Variants in PCM1 observed in about 807,000 individuals in gnomAD.
PCM1 encodes pericentriolar material 1.
In PCM1, 157 loss-of-function variants were observed where a neutral mutation model predicts 241.9. The ratio of observed to expected loss-of-function variants is 0.65; its 90% confidence interval spans 0.57 to 0.74. The LOEUF (loss-of-function observed/expected upper bound fraction) is 0.74. Among genes scored for constraint, PCM1 ranks in the 30% least tolerant of loss-of-function variants. The pLI is 0.00. For missense variants in PCM1, 3,478 were observed against 2,360.1 expected (o/e 1.47, Z -9.81); for synonymous variants, 1,085 against 784.9 (o/e 1.38, Z -6.39).
chr8:18,028,003 A>G lies in PCM1; in HGVS notation c.*341A>G, dbSNP rs1041458694. 2.8e-5 allele frequency: 7 copies of G among 250,472 alleles called. No homozygotes were observed. Among genetic ancestry groups the G allele is most frequent in the Non-Finnish European group, 3.8e-5 (5 of 130,706 alleles). 15.5% of individuals were successfully genotyped at this position (250,472 alleles called of 1,614,324 possible). On this transcript the variant is annotated 3_prime_UTR_variant, in exon 39 of 39. Transcript: ENST00000325083. ...TTTTTTGGAAATTATATTGAATTCTATACAGCAAGTCAATGTTTTATATAA... is the reference window on the plus strand; with the variant it reads ...TTTTTTGGAAATTATATTGAATTCTGTACAGCAAGTCAATGTTTTATATAA...
chr8:17,961,942 G>C, intron 15 of PCM1, 92 bp from the exon 16 acceptor site: 4 of 1,024,572 alleles, frequency 3.9e-6, no homozygotes, highest in East Asian at 2.7e-5. Context: ...TATGGCACTA[G>C]AGCCTTAGTG....
chr8:18,001,753 A>G (rs530962572), intron 29 of PCM1, among the ~76,000 whole-genome samples: 50 of 152,216 alleles, frequency 3.3e-4, no homozygotes, highest in African/African-American at 1.2e-3. Flanking sequence ...CATTGTGCTC[A>G]TATTTCTTCC....
intron 1 of PCM1, among the ~76,000 whole-genome samples, 152 bp from the exon 2 acceptor site, chr8:17,924,561 G>A (rs1338719760): frequency 6.6e-6 from 1 of 152,124 alleles, no homozygotes; most frequent in East Asian, 1.9e-4. Flanking sequence ...AAGAATTGAG[G>A]TAACTTAAAT....
chr8:17,989,838 G>A, intron 26 of PCM1, 21 bp from the exon 27 acceptor site: 3 of 1,481,710 alleles, frequency 2.0e-6, no homozygotes, highest in Non-Finnish European at 2.7e-6. Context: ...AGTGATTTTT[G>A]TTTGTTTTAC....
chr8:17,985,744 G>C, intron 25 of PCM1, 125 bp downstream of exon 25: 1 of 836,488 alleles, frequency 1.2e-6, no homozygotes, highest in South Asian at 2.0e-5. Flanking sequence ...GTGCTTTCTT[G>C]ACATTTTATT....
chr8:17,979,541 C>CTA (rs1554709962), intron 23 of PCM1, among the ~76,000 whole-genome samples: 2 of 152,182 alleles, frequency 1.3e-5, no homozygotes, highest in Non-Finnish European at 2.9e-5. Flanking sequence ...TAGTAGTACT[C>CTA]TAAGTGTTTG....
intron 23 of PCM1, among the ~76,000 whole-genome samples, chr8:17,975,534 T>G (rs2078453942): frequency 6.6e-6 from 1 of 152,038 alleles, no homozygotes; most frequent in Admixed American, 6.6e-5. Flanking sequence ...CCTTTCAAAT[T>G]GTTACTACAG....
chr8:18,026,755 T>C (rs565048360), intron 38 of PCM1, among the ~76,000 whole-genome samples: 1 of 152,180 alleles, frequency 6.6e-6, no homozygotes, highest in South Asian at 2.1e-4. Flanking sequence ...CTTTCAATTT[T>C]GGTTAAGTAT....
intron 29 of PCM1, among the ~76,000 whole-genome samples, chr8:17,996,962 A>G (rs2087037382): frequency 6.6e-6 from 1 of 152,080 alleles, no homozygotes; most frequent in African/African-American, 2.4e-5. Flanking sequence ...TTACAGTGTT[A>G]TAATATTCTG....
chr8:17,965,133 C>T (rs1339433569), intron 18 of PCM1, among the ~76,000 whole-genome samples: 1 of 152,080 alleles, frequency 6.6e-6, no homozygotes, highest in Non-Finnish European at 1.5e-5. Flanking sequence ...TCTGAACTGC[C>T]AAATGGAAGA....
At chr8:17,963,543 C>G (rs1429637192) in intron 17 of PCM1, among the ~76,000 whole-genome samples, 1 of 152,104 alleles carries the variant, frequency 6.6e-6, no homozygotes, top group African/African-American at 2.4e-5. Flanking sequence ...TACAGATTTT[C>G]TTATGTGTAT....
Position 17,939,007 on chromosome 8 carries a change from C to G in PCM1, c.610C>G (p.Gln204Glu). Residue 204 changes from glutamine (Q) to glutamate (E), a missense_variant and splice_region_variant, in exon 5 of 39, where the codon CAG becomes GAG. Transcript: ENST00000325083. ...GGGAGAACCTGCAATGGAGAGCAGC[C>G]AGGTGATAACGTTTGTTTCTTTTGC... is the stretch of plus-strand genomic sequence containing the variant. ...GRGEPAMESS[Q>E]IVSRLVQIRD... 6.2e-7 allele frequency: 1 copy of G among 1,613,312 alleles called. No homozygotes were observed. Among genetic ancestry groups the G allele is most frequent in the Non-Finnish European group, 8.5e-7 (1 of 1,179,426 alleles).
chr8:18,016,955 C>T (rs562802702), intron 36 of PCM1, among the ~76,000 whole-genome samples: 40 of 152,302 alleles, frequency 2.6e-4, no homozygotes, highest in Non-Finnish European at 5.1e-4. Context: ...AAATCCAAAA[C>T]AGTTTGCTGA....
At chr8:18,001,165 G>T (rs1003616779) in intron 29 of PCM1, among the ~76,000 whole-genome samples, 15 of 152,216 alleles carry the variant, frequency 9.9e-5, no homozygotes, top group Admixed American at 2.0e-4. Context: ...AAGAAGGACT[G>T]CAAGGAGTTA....
intron 2 of PCM1, among the ~76,000 whole-genome samples, chr8:17,934,238 A>G (rs539840845): frequency 6.6e-6 from 1 of 151,264 alleles, no homozygotes; most frequent in African/African-American, 2.4e-5. Context: ...TTGGATTTTT[A>G]TCATTATTAC....
At chr8:18,019,330 C>T (rs2093574409) in intron 36 of PCM1, among the ~76,000 whole-genome samples, 1 of 152,160 alleles carries the variant, frequency 6.6e-6, no homozygotes, top group African/African-American at 2.4e-5. Context: ...GAGCGGCTGT[C>T]CTCAGCCTTT....
chr8:17,946,490 T>C (rs1291812827), intron 6 of PCM1, among the ~76,000 whole-genome samples: 2 of 152,084 alleles, frequency 1.3e-5, no homozygotes, highest in Non-Finnish European at 2.9e-5. Flanking sequence ...CTAGTCTTTT[T>C]TTTTTCCTTT....
At chr8:17,943,988 CATG>C (rs2063011194) in intron 6 of PCM1, among the ~76,000 whole-genome samples, 1 of 152,124 alleles carries the variant, frequency 6.6e-6, no homozygotes, top group Non-Finnish European at 1.5e-5. Flanking sequence ...TATTTTAAGA[CATG>C]ATGACATCTT....
intron 6 of PCM1, among the ~76,000 whole-genome samples, chr8:17,942,960 G>A (rs1243717618): frequency 2.7e-5 from 4 of 148,360 alleles, no homozygotes; most frequent in East Asian, 2.0e-4. Flanking sequence ...TCCTGCCACT[G>A]TACTCCAGCT....
Sources: allele counts gnomAD v4.1 joint callset (sites outside exome capture counted in the v4.1 genomes callset), GRCh38; gene constraint gnomAD v4.1.1; transcripts MANE v1.5; gene names NCBI Gene and HGNC (gene_info 2026-07-23, HGNC 2026-07-21).